Variants in ODAD4 observed in about 807,000 individuals in gnomAD.
ODAD4 encodes the protein outer dynein arm-docking complex subunit 4.
A neutral mutation model predicts 51.8 loss-of-function variants in ODAD4; 49 were observed. The ratio of observed to expected loss-of-function variants is 0.95; its 90% confidence interval spans 0.75 to 1.20. ODAD4 has a LOEUF of 1.20. Among genes scored for constraint, ODAD4 ranks in the 50% most tolerant of loss-of-function variants. The probability of loss-of-function intolerance (pLI) is 0.00; values close to 1 mark genes in which losing one functional copy is unlikely to be tolerated. For missense variants in ODAD4, 590 were observed against 586.5 expected (o/e 1.01, Z -0.06); for synonymous variants, 235 against 221.3 (o/e 1.06, Z -0.55).
At chr17:41,934,375 A>G (rs533979214) in intron 1 of ODAD4, among the ~76,000 whole-genome samples, 1 of 151,418 alleles carries the variant, frequency 6.6e-6, no homozygotes, top group South Asian at 2.1e-4. Flanking sequence ...TTTTTGAGAC[A>G]GAGTCTCATT....
At chr17:41,937,025 G>T in intron 5 of ODAD4, 98 bp downstream of exon 5, 2 of 1,385,008 alleles carry the variant, frequency 1.4e-6, no homozygotes, top group Non-Finnish European at 2.0e-6. Context: ...TATAATATTA[G>T]CTGACGTGTA....
rs983855744 is a variant in ODAD4, at chr17:41,961,457, A to G, written c.1519A>G (p.Ser507Gly). 19 of 728,276 alleles carry G rather than the reference A, an allele frequency of 2.6e-5. No homozygotes were observed. Among genetic ancestry groups the G allele is most frequent in the Non-Finnish European group, 4.9e-5 (19 of 390,850 alleles). 45.1% of individuals were successfully genotyped at this position (728,276 alleles called of 1,614,324 possible). ...CTACGTGGAGAATCTCAAAGAAAAA[A>G]GCGAGGGAGGTGAGTTCCTGAAACT... Reference protein sequence around the residue: ...TNYVENLKEKSEGEASLYEDR... With the variant: ...TNYVENLKEKGEGEASLYEDR... The change falls in exon 11 of 12, where the codon AGC becomes GGC. Residue 507 changes from serine to glycine, a missense_variant. Transcript: ENST00000377540.
chr17:41,952,254 G>A (rs1176951411), intron 9 of ODAD4, among the ~76,000 whole-genome samples: 3 of 150,386 alleles, frequency 2.0e-5, no homozygotes, highest in Non-Finnish European at 4.4e-5. Context: ...TGTAATCCAA[G>A]CTGCTCGGGA....
intron 9 of ODAD4, among the ~76,000 whole-genome samples, chr17:41,954,850 C>CAA (rs57545570): frequency 1.5e-4 from 14 of 92,546 alleles, no homozygotes; most frequent in Non-Finnish European, 2.6e-4. Flanking sequence ...AACTCTGTCT[C>CAA]AAAAAAAAAA....
At chr17:41,958,354 G>A (rs782761841) in intron 10 of ODAD4, among the ~76,000 whole-genome samples, 25 of 152,096 alleles carry the variant, frequency 1.6e-4, no homozygotes, top group Non-Finnish European at 2.9e-4. Flanking sequence ...TGCTAGCCAC[G>A]TGAGGCTAAA....
chr17:41,936,963 A>G (rs2144494403), intron 5 of ODAD4, 36 bp downstream of exon 5: 1 of 1,607,208 alleles, frequency 6.2e-7, no homozygotes, highest in East Asian at 2.2e-5. Flanking sequence ...GCCTTGGGGG[A>G]AAGGAAATCT....
At chr17:41,951,682 G>C (rs1167893489) in intron 9 of ODAD4, among the ~76,000 whole-genome samples, 1 of 151,076 alleles carries the variant, frequency 6.6e-6, no homozygotes, top group Non-Finnish European at 1.5e-5. Context: ...TCAGGAGTTT[G>C]GTACCAGCCT....
Position 41,965,514 on chromosome 17 carries a change from T to C in ODAD4, c.*31T>C, listed in dbSNP as rs782600187. On this transcript the variant is annotated 3_prime_UTR_variant, in exon 12 of 12. Coordinates refer to ENST00000377540, the MANE Select transcript of ODAD4 (RefSeq NM_031421.5). ...TCGGTAGAGATGAGGATCAGGAAGC[T>C]GGTGTTCAGAGGGATCATGGGATTT... is the stretch of plus-strand genomic sequence containing the variant. 3 of 741,926 alleles carry C rather than the reference T, an allele frequency of 4.0e-6. No homozygotes were observed. In the South Asian group the frequency reaches 4.4e-5, roughly 11 times the overall value. The allele number at this position is 741,926 out of a possible 1,614,324, so 46.0% of individuals were successfully genotyped here.
chr17:41,941,064 G>T (rs1417063102), intron 7 of ODAD4, among the ~76,000 whole-genome samples: 3 of 152,182 alleles, frequency 2.0e-5, no homozygotes, highest in Non-Finnish European at 2.9e-5. Flanking sequence ...TGACAGGCGT[G>T]AGCCACTGCG....
chr17:41,961,718 G>A (rs1307453132), intron 11 of ODAD4, among the ~76,000 whole-genome samples: 1 of 152,252 alleles, frequency 6.6e-6, no homozygotes, highest in Non-Finnish European at 1.5e-5. Flanking sequence ...GATTCATCAA[G>A]TATATGGTGA....
chr17:41,941,491 C>T lies in ODAD4; in HGVS notation c.1058+2319C>T, dbSNP rs140918552. On this transcript the variant is annotated intron_variant, in intron 7 of 11. Transcript: ENST00000377540. ...TGAAAAGCCTGCCTCCTAGCCTGAGCGGTGGCTCACGCCTGTAATCCCAGC... is the reference window on the plus strand; with the variant it reads ...TGAAAAGCCTGCCTCCTAGCCTGAGTGGTGGCTCACGCCTGTAATCCCAGC... Among the ~76,000 whole-genome samples, 572 of 152,266 alleles carry T rather than the reference C, an allele frequency of 3.8e-3. 5 individuals are homozygous for T. The highest frequency in any genetic ancestry group is 0.013 in the African/African-American group (542 of 41,564).
chr17:41,938,494 A>G, intron 5 of ODAD4, 63 bp from the exon 6 acceptor site: 1 of 1,405,926 alleles, frequency 7.1e-7, no homozygotes, highest in South Asian at 1.2e-5. Flanking sequence ...CCGGGAGGAA[A>G]CAGGAGGCAA....
At chr17:41,956,161 C>T (rs567018436) in intron 10 of ODAD4, among the ~76,000 whole-genome samples, 44 of 151,592 alleles carry the variant, frequency 2.9e-4, no homozygotes, top group Non-Finnish European at 4.4e-4. Context: ...GATTCACCTG[C>T]CTCAGCCTCC....
chr17:41,960,974 C>A (rs1332599095), intron 10 of ODAD4, among the ~76,000 whole-genome samples: 2 of 152,182 alleles, frequency 1.3e-5, no homozygotes, highest in East Asian at 3.9e-4. Flanking sequence ...GGCAGGCCAG[C>A]CCCCAGCCTG....
chr17:41,960,897 T>G (rs2050797147), intron 10 of ODAD4, among the ~76,000 whole-genome samples: 1 of 152,158 alleles, frequency 6.6e-6, no homozygotes, highest in South Asian at 2.1e-4. Context: ...TCACAGGGGC[T>G]CCAGGCCCCT....
At chr17:41,940,615 C>G (rs548271212) in intron 7 of ODAD4, among the ~76,000 whole-genome samples, 1 of 152,200 alleles carries the variant, frequency 6.6e-6, no homozygotes, top group African/African-American at 2.4e-5. Context: ...CTAACTGGCT[C>G]TGCCACTTAG....
At chr17:41,952,806 A>G in intron 9 of ODAD4, 1 of 330,632 alleles carries the variant, frequency 3.0e-6, no homozygotes, top group Non-Finnish European at 6.4e-6. Flanking sequence ...CCCTGCATTC[A>G]TGGCTCACTG....
At chr17:41,941,815 G>A (rs1271010729) in intron 7 of ODAD4, among the ~76,000 whole-genome samples, 2 of 151,492 alleles carry the variant, frequency 1.3e-5, no homozygotes, top group Admixed American at 1.3e-4. Flanking sequence ...TGCTGCCCCA[G>A]GGGTTACAAA....
At position 41,965,329 on chromosome 17, in the gene ODAD4, G is replaced by C; in HGVS notation, c.1865G>C (p.Arg622Thr). Residue 622 changes from arginine (R) to threonine (T), a missense_variant, in exon 12 of 12, where the codon AGA (arginine) becomes ACA (threonine). Physicochemically the swap from Arg to Thr is moderately conservative, Grantham distance 71. Coordinates refer to ENST00000377540, the MANE Select transcript of ODAD4 (RefSeq NM_031421.5). ...YRRPSGELEQ[R>T]LSGEFSRQEP... ...AGGCCTTCGGGAGAATTAGAGCAAA[G>C]ACTCTCAGGAGAATTCAGCAGACAG... The C allele has an allele frequency of 2.6e-6, 2 of 780,656 alleles. No individual in the cohort carries two copies. The highest frequency in any genetic ancestry group is 2.4e-6 in the Non-Finnish European group (1 of 417,976). The allele number at this position is 780,656 out of a possible 1,614,324, so 48.4% of individuals were successfully genotyped here. A position where few individuals can be genotyped will look rare whatever the true frequency, so the allele number is the denominator to read the frequency against.
Sources: gnomAD v4.1 joint callset for allele counts (sites outside exome capture counted in the v4.1 genomes callset) on GRCh38, gnomAD v4.1.1 for gene constraint, MANE v1.5 for transcripts, NCBI Gene and HGNC (gene_info 2026-07-23, HGNC 2026-07-21) for gene names.